OSBPL10: variants seen among roughly 807,000 people sequenced by gnomAD.
The protein encoded by OSBPL10 is oxysterol-binding protein-related protein 10.
A neutral mutation model predicts 81.7 loss-of-function variants in OSBPL10; 49 were observed. The ratio of observed to expected loss-of-function variants is 0.60; its 90% CI spans 0.48 to 0.76. The LOEUF is 0.76. OSBPL10 is among the 30% of genes least tolerant of loss of function. The pLI, the probability that OSBPL10 is intolerant of heterozygous loss-of-function variation, is 0.00. For synonymous variants in OSBPL10, 419 were observed against 383.6 expected (o/e 1.09, Z -1.08); for missense variants, 923 against 987.8 (o/e 0.93, Z 0.88).
chr3:31,793,969 T>C (rs1304859974), intron 4 of OSBPL10, among the ~76,000 whole-genome samples: 1 of 152,112 alleles, frequency 6.6e-6, no homozygotes, highest in Admixed American at 6.5e-5. Flanking sequence ...GAGATGAGAG[T>C]AGCAGCCATG....
At chr3:31,863,411 T>TA (rs1456625708) in intron 3 of OSBPL10, among the ~76,000 whole-genome samples, 2 of 152,188 alleles carry the variant, frequency 1.3e-5, no homozygotes, top group Non-Finnish European at 2.9e-5. Context: ...TTACATACTT[T>TA]AAAAAAGTAA....
chr3:32,073,934 C>T (rs1699853623), intron 1 of OSBPL10, among the ~76,000 whole-genome samples: 2 of 152,146 alleles, frequency 1.3e-5, no homozygotes, highest in African/African-American at 4.8e-5. Context: ...TTTATACTCA[C>T]TCTTATTCTC....
At chr3:31,794,796 G>A in intron 4 of OSBPL10, 1 of 319,088 alleles carries the variant, frequency 3.1e-6, no homozygotes, top group South Asian at 3.6e-5. Flanking sequence ...ACTTGGCACA[G>A]CAGCAGGAAA....
intron 4 of OSBPL10, among the ~76,000 whole-genome samples, chr3:31,780,871 C>T (rs1005473439): frequency 6.7e-6 from 1 of 149,542 alleles, no homozygotes; most frequent in African/African-American, 2.5e-5. Context: ...GGATTCACAA[C>T]TGAATTCTAT....
chr3:31,809,046 C>T (rs1437963888), intron 4 of OSBPL10, among the ~76,000 whole-genome samples: 1 of 152,126 alleles, frequency 6.6e-6, no homozygotes, highest in Non-Finnish European at 1.5e-5. Flanking sequence ...AAAAGTAAGA[C>T]TAAGCCAAGA....
At chr3:31,880,075 G>C (rs2125638674) in intron 1 of OSBPL10, among the ~76,000 whole-genome samples, 1 of 152,304 alleles carries the variant, frequency 6.6e-6, no homozygotes, top group South Asian at 2.1e-4. Context: ...CTCAGGATTT[G>C]GTGCCATGCC....
At chr3:31,931,253 T>TA (rs1184599607) in intron 1 of OSBPL10, among the ~76,000 whole-genome samples, 2 of 152,184 alleles carry the variant, frequency 1.3e-5, no homozygotes, top group East Asian at 3.9e-4. Flanking sequence ...ATTAAATTTT[T>TA]AAAAAATCTT....
chr3:31,980,841 GCA>G (rs72290087), intron 1 of OSBPL10, 56 bp downstream of exon 1: 65,404 of 1,042,190 alleles, frequency 0.063, 1 homozygote, highest in Non-Finnish European at 0.07. Flanking sequence ...ACACACGCAC[GCA>G]CACACACACA....
Position 31,830,217 on chromosome 3 carries a change from G to A in OSBPL10, c.552C>T (p.Ser184=), listed in dbSNP as rs201980027. ...MEMNSKSAPS[S]RSRSLTLLPH... is the part of the protein sequence containing the mutation. ...GGAGCAAAGTGAGACTTCGGCTTCG[G>A]GAGCTTGGAGCACTCTAGAATAAGC... Residue 184 remains serine (S), a synonymous_variant, in exon 4 of 12, where the codon TCC becomes TCT. Coordinates refer to ENST00000396556, the MANE Select transcript of OSBPL10 (RefSeq NM_017784.5). 8.1e-6 allele frequency: 13 copies of A among 1,613,412 alleles called. No homozygotes were observed. The highest frequency in any genetic ancestry group is 7.6e-6 in the Non-Finnish European group (9 of 1,179,768).
At chr3:31,896,132 A>C (rs1262937186) in intron 1 of OSBPL10, among the ~76,000 whole-genome samples, 1 of 152,240 alleles carries the variant, frequency 6.6e-6, no homozygotes, top group African/African-American at 2.4e-5. Flanking sequence ...TATGAATGAA[A>C]CATTCACCAT....
At chr3:31,798,976 CAGGCGG>C (rs1699306472) in intron 4 of OSBPL10, among the ~76,000 whole-genome samples, 1 of 152,202 alleles carries the variant, frequency 6.6e-6, no homozygotes, top group Non-Finnish European at 1.5e-5. Flanking sequence ...GCTGATCTGA[CAGGCGG>C]TGGAGCTCAG....
chr3:31,796,837 C>T (rs1259538595), intron 4 of OSBPL10, among the ~76,000 whole-genome samples: 2 of 152,112 alleles, frequency 1.3e-5, no homozygotes, highest in African/African-American at 4.8e-5. Flanking sequence ...CAGGAAGTGT[C>T]AACTTCATTC....
chr3:32,057,640 A>C (rs907286464), intron 1 of OSBPL10, among the ~76,000 whole-genome samples: 2 of 152,194 alleles, frequency 1.3e-5, no homozygotes, highest in Non-Finnish European at 1.5e-5. Flanking sequence ...TATCATGAGA[A>C]TAGCATGGGA....
intron 1 of OSBPL10, among the ~76,000 whole-genome samples, chr3:31,916,096 CAAAAA>C (rs1160687382): frequency 1.2e-5 from 1 of 82,484 alleles, no homozygotes; most frequent in Non-Finnish European, 2.7e-5. Flanking sequence ...AACTCCGTCT[CAAAAA>C]AAAAAAAAAA....
intron 1 of OSBPL10, among the ~76,000 whole-genome samples, chr3:31,929,540 G>A (rs1322789120): frequency 1.3e-5 from 2 of 151,964 alleles, no homozygotes; most frequent in South Asian, 2.1e-4. Context: ...AAGGTCAGGA[G>A]ATCGAGACCA....
At chr3:31,964,610 AT>A (rs1246088619) in intron 1 of OSBPL10, among the ~76,000 whole-genome samples, 1 of 152,174 alleles carries the variant, frequency 6.6e-6, no homozygotes, top group Non-Finnish European at 1.5e-5. Context: ...AGTCAATTAA[AT>A]TGTCTGAAAA....
intron 6 of OSBPL10, among the ~76,000 whole-genome samples, chr3:31,727,026 A>G (rs777191604): frequency 2.6e-5 from 4 of 151,936 alleles, no homozygotes; most frequent in Non-Finnish European, 4.4e-5. Context: ...TTGTAGAGAC[A>G]GGGTCTATCT....
intron 6 of OSBPL10, chr3:31,707,300 A>G (rs890337767): frequency 2.6e-5 from 4 of 152,242 alleles, no homozygotes; most frequent in Non-Finnish European, 5.9e-5. Flanking sequence ...CAAGTAAATA[A>G]GTATCCAATA....
chr3:31,817,020 G>A (rs542950484), intron 4 of OSBPL10, among the ~76,000 whole-genome samples: 3 of 152,278 alleles, frequency 2.0e-5, no homozygotes, highest in South Asian at 2.1e-4. Context: ...TCTCGTCTCT[G>A]CCCACTTCGT....
Sources: gnomAD v4.1 joint callset for allele counts (sites outside exome capture counted in the v4.1 genomes callset) on GRCh38, gnomAD v4.1.1 for gene constraint, MANE v1.5 for transcripts, NCBI Gene and HGNC (gene_info 2026-07-23, HGNC 2026-07-21) for gene names.